The following USP4 variants were observed in gnomAD, a reference collection of about 807,000 sequenced individuals.
USP4 encodes the protein ubiquitin carboxyl-terminal hydrolase 4.
USP4 carries 72 observed loss-of-function variants against 118.2 expected under a neutral mutation model. The observed-to-expected ratio is 0.61, with a 90% confidence interval of 0.50 to 0.74. USP4 has a LOEUF of 0.74. Among genes scored for constraint, USP4 ranks in the 30% least tolerant of loss-of-function variants. USP4 has a pLI of 0.00. For missense variants in USP4, 1,037 were observed against 1,185.7 expected, an observed-to-expected ratio of 0.87 and a Z score of 1.84; for synonymous variants, 415 against 440.4, an observed-to-expected ratio of 0.94 and a Z score of 0.72.
intron 2 of USP4, among the ~76,000 whole-genome samples, chr3:49,334,746 A>G (rs1420234239): frequency 6.6e-6 from 1 of 152,082 alleles, no homozygotes. Context: ...CGAACTCCTG[A>G]CCTCAGGTGA....
At chr3:49,309,134 G>T (rs1212285359) in intron 8 of USP4, among the ~76,000 whole-genome samples, 1 of 150,952 alleles carries the variant, frequency 6.6e-6, no homozygotes, top group Non-Finnish European at 1.5e-5. Flanking sequence ...TGCCCTATAT[G>T]CCTCTTCCCT....
chr3:49,305,570 A>AT (rs2107783495), intron 9 of USP4, 145 bp downstream of exon 9: 2 of 591,212 alleles, frequency 3.4e-6, no homozygotes, highest in East Asian at 6.6e-5. Flanking sequence ...AACATTTTAG[A>AT]TTTTGGAATG....
At chr3:49,334,991 T>C (rs2047654342) in intron 2 of USP4, among the ~76,000 whole-genome samples, 1 of 152,196 alleles carries the variant, frequency 6.6e-6, no homozygotes, top group Admixed American at 6.6e-5. Context: ...CATTGGGAGC[T>C]GACTACAGTC....
intron 2 of USP4, among the ~76,000 whole-genome samples, chr3:49,330,162 C>G (rs1439655654): frequency 1.5e-5 from 2 of 129,890 alleles, no homozygotes; most frequent in Non-Finnish European, 3.2e-5. Context: ...CAGAGTGAGA[C>G]TCTGTCTCAA....
intron 15 of USP4, among the ~76,000 whole-genome samples, chr3:49,290,460 T>A (rs1195759447): frequency 1.3e-5 from 2 of 152,242 alleles, no homozygotes; most frequent in African/African-American, 4.8e-5. Context: ...TAGGACTGCA[T>A]GTCTTGGAGG....
intron 6 of USP4, among the ~76,000 whole-genome samples, chr3:49,314,469 A>G (rs546110544): frequency 6.6e-6 from 1 of 152,306 alleles, no homozygotes; most frequent in South Asian, 2.1e-4. Context: ...CATTCACCAC[A>G]TGGGAGACTT....
chr3:49,302,639 G>A (rs2047273398), intron 9 of USP4, 97 bp from the exon 10 acceptor site: 13 of 1,238,290 alleles, frequency 1.0e-5, no homozygotes, highest in East Asian at 2.5e-5. Flanking sequence ...GGAGTTAGCT[G>A]GGGCAGTGAG....
chr3:49,315,285 T>C (rs980527088), intron 6 of USP4, among the ~76,000 whole-genome samples: 1 of 152,108 alleles, frequency 6.6e-6, no homozygotes, highest in African/African-American at 2.4e-5. Flanking sequence ...GAGTTTGAGG[T>C]TGCAGTGAAC....
At chr3:49,306,584 A>G (rs1267566419) in intron 8 of USP4, among the ~76,000 whole-genome samples, 1 of 152,058 alleles carries the variant, frequency 6.6e-6, no homozygotes, top group African/African-American at 2.4e-5. Context: ...ATGAGATAGA[A>G]GCTTAAATCA....
intron 8 of USP4, among the ~76,000 whole-genome samples, chr3:49,309,705 C>A (rs2047361563): frequency 7.1e-6 from 1 of 141,678 alleles, no homozygotes; most frequent in African/African-American, 2.6e-5. Flanking sequence ...CGGCTCACTG[C>A]AACCTCCGTC....
intron 16 of USP4, 84 bp from the exon 17 acceptor site, chr3:49,285,003 A>G: frequency 9.9e-7 from 1 of 1,012,796 alleles, no homozygotes; most frequent in Non-Finnish European, 1.5e-6. Flanking sequence ...GAAGGACCAC[A>G]CTCAGGCCAC....
At position 49,284,525 on chromosome 3, in the gene USP4, G is replaced by A; in HGVS notation, c.2331C>T (p.Ala777=). The A allele has an allele frequency of 6.2e-7, 1 of 1,613,994 alleles. No individual in the cohort carries two copies. Among genetic ancestry groups the A allele is most frequent in the South Asian group, 1.1e-5 (1 of 91,076 alleles). The change falls in exon 18 of 22, where the codon GCC becomes GCT. Residue 777 remains alanine (A), a synonymous_variant. Transcript: ENST00000265560. ...TGAAGAGCTCGATGCAGTCTCTCAG[G>A]GCCACTGTGGTCTTCTTCTTCTTCT... ...QPQKKKKTTV[A]LRDCIELFTT... is the part of the protein sequence containing the mutation.
intron 15 of USP4, among the ~76,000 whole-genome samples, chr3:49,291,359 G>A (rs2047149075): frequency 2.0e-5 from 3 of 149,902 alleles, no homozygotes; most frequent in Admixed American, 6.6e-5. Context: ...GGTGAATCAT[G>A]AGGTCAGGAG....
intron 15 of USP4, among the ~76,000 whole-genome samples, chr3:49,289,299 C>T (rs779685737): frequency 3.3e-5 from 5 of 152,102 alleles, no homozygotes; most frequent in Non-Finnish European, 7.4e-5. Context: ...GTCCTTTAAT[C>T]GCATGACCTC....
intron 17 of USP4, 123 bp downstream of exon 17, chr3:49,284,726 C>T (rs1444930111): frequency 8.1e-7 from 1 of 1,237,822 alleles, no homozygotes. Flanking sequence ...TCTTGAAGTG[C>T]TTTTCCTTCT....
chr3:49,283,053 G>A (rs1292914523), intron 19 of USP4, among the ~76,000 whole-genome samples: 4 of 97,402 alleles, frequency 4.1e-5, no homozygotes, highest in African/African-American at 1.7e-4. Flanking sequence ...GTCTCGCTCT[G>A]TCACCAGGCT....
Position 49,278,080 on chromosome 3 carries a change from A to C in USP4, c.*213T>G. On this transcript the variant is annotated 3_prime_UTR_variant, in exon 22 of 22. Coordinates refer to ENST00000265560, the MANE Select transcript of USP4 (RefSeq NM_003363.4). ...ACAGGTTTCACAGAAATTTCTCACC[A>C]CCTGTTTAAAAATAAAAATAATTCA... 1 of 559,226 alleles carries C rather than the reference A, an allele frequency of 1.8e-6. No homozygotes were observed. Among genetic ancestry groups the C allele is most frequent in the Non-Finnish European group, 2.9e-6 (1 of 342,282 alleles). 34.6% of individuals were successfully genotyped at this position (559,226 alleles called of 1,614,324 possible).
chr3:49,277,227 G>A lies in USP4; in HGVS notation c.*1066C>T. On this transcript the variant is annotated 3_prime_UTR_variant, in exon 22 of 22. Transcript: ENST00000265560. Reference sequence around the variant, plus strand: ...CCGACCCATCCAACGGTCATCGCATGCGCGTGCCCCGCGCAGGCCCCAAAC... The same window carrying A: ...CCGACCCATCCAACGGTCATCGCATACGCGTGCCCCGCGCAGGCCCCAAAC... 7.6e-7 allele frequency: 1 copy of A among 1,320,288 alleles called. No individual in the cohort carries two copies. The highest frequency in any genetic ancestry group is 9.9e-7 in the Non-Finnish European group (1 of 1,009,270). The allele number at this position is 1,320,288 out of a possible 1,614,324, so 81.8% of individuals were successfully genotyped here.
chr3:49,311,723 G>A, intron 6 of USP4, 69 bp from the exon 7 acceptor site: 3 of 1,572,240 alleles, frequency 1.9e-6, no homozygotes, highest in East Asian at 2.3e-5. Flanking sequence ...AATGCCTTAG[G>A]TTGCTTCTCA....
Sources: allele counts gnomAD v4.1 joint callset (sites outside exome capture counted in the v4.1 genomes callset), GRCh38; gene constraint gnomAD v4.1.1; transcripts MANE v1.5; gene names NCBI Gene and HGNC (gene_info 2026-07-23, HGNC 2026-07-21).